ARFGEF3: variants seen among roughly 807,000 people sequenced by gnomAD.
ARFGEF3 encodes ARFGEF family member 3, also known as brefeldin A-inhibited guanine nucleotide-exchange protein 3.
A neutral mutation model predicts 221.7 loss-of-function variants in ARFGEF3; 96 were observed. That is an observed-to-expected ratio of 0.43 (90% confidence interval 0.37 to 0.51). The LOEUF is 0.51. ARFGEF3 is among the 20% of genes least tolerant of loss of function. The pLI is 0.00. For synonymous variants in ARFGEF3, 1,145 were observed against 1,126.8 expected, an observed-to-expected ratio of 1.02 and a Z score of -0.32; for missense variants, 2,410 against 2,789.9, an observed-to-expected ratio of 0.86 and a Z score of 3.07.
At chr6:138,239,509 T>C (rs1583027148) in intron 6 of ARFGEF3, among the ~76,000 whole-genome samples, 1 of 151,520 alleles carries the variant, frequency 6.6e-6, no homozygotes, top group African/African-American at 2.4e-5. Flanking sequence ...ATTAGCCGGG[T>C]GTGGTGGTGC....
intron 2 of ARFGEF3, among the ~76,000 whole-genome samples, chr6:138,182,195 G>T (rs985710908): frequency 3.3e-5 from 5 of 152,164 alleles, no homozygotes; most frequent in African/African-American, 1.2e-4. Flanking sequence ...AGCCAGGGCT[G>T]CTGGACTCCA....
chr6:138,294,959 G>A (rs1779479798), intron 20 of ARFGEF3, among the ~76,000 whole-genome samples: 1 of 152,188 alleles, frequency 6.6e-6, no homozygotes, highest in African/African-American at 2.4e-5. Context: ...CCTTGCTGCA[G>A]ATTTAGATTT....
chr6:138,237,121 A>C (rs985849548), intron 5 of ARFGEF3, among the ~76,000 whole-genome samples: 1 of 152,192 alleles, frequency 6.6e-6, no homozygotes, highest in African/African-American at 2.4e-5. Context: ...CTAGGTAAAC[A>C]TAGTGAGGCA....
chr6:138,239,839 CT>C (rs1583027345), intron 6 of ARFGEF3, among the ~76,000 whole-genome samples: 1 of 152,000 alleles, frequency 6.6e-6, no homozygotes, highest in African/African-American at 2.4e-5. Context: ...TAGTCAAATT[CT>C]TTTTTCCTCA....
chr6:138,309,421 A>C (rs1211336731), intron 24 of ARFGEF3, among the ~76,000 whole-genome samples: 1 of 152,214 alleles, frequency 6.6e-6, no homozygotes, highest in Non-Finnish European at 1.5e-5. Flanking sequence ...GGGGACTTCT[A>C]TACTTAGAAA....
chr6:138,281,032 C>T (rs1779187884), intron 14 of ARFGEF3, among the ~76,000 whole-genome samples: 2 of 152,034 alleles, frequency 1.3e-5, no homozygotes, highest in African/African-American at 4.8e-5. Context: ...TGGGAATATG[C>T]CCGCCATAGT....
rs773953064 is a variant in ARFGEF3, at chr6:138,255,703, C to G, written c.1038C>G (p.Leu346=). 1.9e-6 allele frequency: 3 copies of G among 1,611,988 alleles called. No homozygotes were observed. In the African/African-American group the frequency reaches 4.0e-5, roughly 22 times the overall value. Residue 346 remains leucine (L), a synonymous_variant, in exon 10 of 34, where the codon CTC becomes CTG. Transcript: ENST00000251691. The part of the protein sequence containing the change: ...VDSMKPVLQS[L]YHRVLLYPPP... The stretch of plus-strand genomic sequence containing the variant: ...CCATGAAGCCCGTGCTCCAGTCCCT[C>G]TACCACCGAGTGCTGCTCTACCCCC...
chr6:138,278,426 A>G (rs761660733), intron 12 of ARFGEF3, 25 bp from the exon 13 acceptor site: 7 of 1,610,416 alleles, frequency 4.3e-6, no homozygotes, highest in Admixed American at 1.7e-5. Flanking sequence ...CACACCCCCA[A>G]AAGTCCCTTC....
At chr6:138,285,664 A>T (rs1214128278) in intron 14 of ARFGEF3, among the ~76,000 whole-genome samples, 3 of 152,206 alleles carry the variant, frequency 2.0e-5, no homozygotes, top group African/African-American at 7.2e-5. Flanking sequence ...AATATTCTAA[A>T]TCAATAGATT....
chr6:138,207,686 CTGATGGTAAAAAGG>C (rs1777648906), intron 3 of ARFGEF3, among the ~76,000 whole-genome samples: 1 of 152,148 alleles, frequency 6.6e-6, no homozygotes, highest in Non-Finnish European at 1.5e-5. Context: ...GGATCTAATT[CTGATGGTAAAAAGG>C]TGATGACTAT....
At chr6:138,231,892 A>G (rs150350412) in intron 5 of ARFGEF3, among the ~76,000 whole-genome samples, 103 of 152,366 alleles carry the variant, frequency 6.8e-4, no homozygotes, top group African/African-American at 2.4e-3. Flanking sequence ...TCATTTGTGT[A>G]TCTAAATTTA....
At chr6:138,206,926 T>C in intron 2 of ARFGEF3, 116 bp from the exon 3 acceptor site, 1 of 704,828 alleles carries the variant, frequency 1.4e-6, no homozygotes, top group South Asian at 1.8e-5. Flanking sequence ...TATTATTGGT[T>C]ATAGTTTTTG....
At chr6:138,218,415 A>G (rs747102219) in intron 4 of ARFGEF3, 2 of 1,517,306 alleles carry the variant, frequency 1.3e-6, no homozygotes, top group African/African-American at 1.4e-5. Flanking sequence ...TGTAAATTGA[A>G]TTGTAGCTCT....
Position 138,319,898 on chromosome 6 carries a change from C to T in ARFGEF3, c.4651+19C>T. 1 of 1,610,580 alleles carries T rather than the reference C, an allele frequency of 6.2e-7. No homozygotes were observed. The highest frequency in any genetic ancestry group is 8.5e-7 in the Non-Finnish European group (1 of 1,177,638). On this transcript the variant is annotated intron_variant, in intron 28 of 33. Coordinates refer to ENST00000251691, the MANE Select transcript of ARFGEF3 (RefSeq NM_020340.5). ...CATTCAGGTATCTGAAGTGCCAGAGCAGTTCATTCTGGGTATTTCTTTGGT... is the reference window on the plus strand; with the variant it reads ...CATTCAGGTATCTGAAGTGCCAGAGTAGTTCATTCTGGGTATTTCTTTGGT...
chr6:138,210,865 T>A (rs1049933612), intron 4 of ARFGEF3, among the ~76,000 whole-genome samples: 3 of 152,236 alleles, frequency 2.0e-5, no homozygotes, highest in Admixed American at 2.0e-4. Flanking sequence ...GATAAGAGAC[T>A]ACACTTCTCC....
Position 138,163,577 on chromosome 6 carries a change from G to T in ARFGEF3, c.85+1406G>T, listed in dbSNP as rs535296350. On this transcript the variant is annotated intron_variant, in intron 1 of 33. Transcript: ENST00000251691. ...TTATTATTTTGCTGCAAATTAAGCAGATTTAGATAAACAGGGAGGAGGAGA... is the reference window on the plus strand; with the variant it reads ...TTATTATTTTGCTGCAAATTAAGCATATTTAGATAAACAGGGAGGAGGAGA... Among the ~76,000 whole-genome samples the T allele has an allele frequency of 2.6e-5, 4 of 152,280 alleles. No homozygotes were observed. In the South Asian group the frequency reaches 8.3e-4, roughly 32 times the overall value.
intron 25 of ARFGEF3, among the ~76,000 whole-genome samples, chr6:138,313,462 G>A (rs560597273): frequency 2.0e-5 from 3 of 152,270 alleles, no homozygotes; most frequent in Admixed American, 1.3e-4. Context: ...ACACTTATTC[G>A]CTTAGGCAAA....
intron 4 of ARFGEF3, among the ~76,000 whole-genome samples, chr6:138,210,309 T>A (rs956781105): frequency 6.6e-6 from 1 of 152,186 alleles, no homozygotes; most frequent in South Asian, 2.1e-4. Context: ...TTTAAGAGAA[T>A]GTATGTGAGT....
At chr6:138,201,323 C>A (rs1191222139) in intron 2 of ARFGEF3, among the ~76,000 whole-genome samples, 1 of 152,142 alleles carries the variant, frequency 6.6e-6, no homozygotes, top group Non-Finnish European at 1.5e-5. Flanking sequence ...TACTGGATAT[C>A]TACTCAGAGG....
Sources: allele counts gnomAD v4.1 joint callset (sites outside exome capture counted in the v4.1 genomes callset), GRCh38; gene constraint gnomAD v4.1.1; transcripts MANE v1.5; gene names NCBI Gene and HGNC (gene_info 2026-07-23, HGNC 2026-07-21).